ENOX1: variants seen among roughly 807,000 people sequenced by gnomAD.
ENOX1 encodes the protein candidate growth-related and time keeping constitutive hydroquinone (NADH) oxidase.
A neutral mutation model predicts 82.5 loss-of-function variants in ENOX1; 42 were observed. The observed-to-expected ratio is 0.51, with a 90% CI of 0.40 to 0.66. The LOEUF (loss-of-function observed/expected upper bound fraction) is 0.66. Ranked by LOEUF, ENOX1 falls within the 30% of genes least tolerant of loss-of-function variation. ENOX1 has a pLI of 0.00. For synonymous variants in ENOX1, 271 were observed against 282.2 expected (o/e 0.96, Z 0.40); for missense variants, 608 against 811.6 (o/e 0.75, Z 3.05).
intron 2 of ENOX1, among the ~76,000 whole-genome samples, chr13:43,604,713 C>A (rs1421112408): frequency 1.3e-5 from 2 of 152,134 alleles, no homozygotes; most frequent in African/African-American, 4.8e-5. Context: ...AGATCTGGAA[C>A]ATGACATCAA....
intron 2 of ENOX1, among the ~76,000 whole-genome samples, chr13:43,624,258 T>C (rs1456272531): frequency 6.6e-6 from 1 of 152,190 alleles, no homozygotes. Context: ...CTTTTTCCTA[T>C]TTTTTAACTG....
intron 1 of ENOX1, among the ~76,000 whole-genome samples, chr13:43,672,800 T>C (rs1345255886): frequency 1.3e-5 from 2 of 152,210 alleles, no homozygotes; most frequent in African/African-American, 4.8e-5. Flanking sequence ...ACCACCGCTC[T>C]ATGATTTCAG....
intron 11 of ENOX1, among the ~76,000 whole-genome samples, chr13:43,304,160 C>A (rs1355112448): frequency 6.6e-6 from 1 of 152,122 alleles, no homozygotes; most frequent in Non-Finnish European, 1.5e-5. Flanking sequence ...AAGATTTGGG[C>A]AAAAGGCACA....
chr13:43,262,499 C>G (rs574710871), intron 14 of ENOX1, among the ~76,000 whole-genome samples: 4 of 152,290 alleles, frequency 2.6e-5, no homozygotes, highest in Non-Finnish European at 5.9e-5. Flanking sequence ...TAAAATTCAT[C>G]CTGCCAAAAG....
chr13:43,741,171 G>A (rs550775857), intron 1 of ENOX1, among the ~76,000 whole-genome samples: 84 of 147,950 alleles, frequency 5.7e-4, no homozygotes, highest in Non-Finnish European at 7.4e-4. Context: ...TGCAACCTCC[G>A]CCTCCCAGGT....
At chr13:43,689,132 TC>T (rs1220361898) in intron 1 of ENOX1, among the ~76,000 whole-genome samples, 2 of 152,096 alleles carry the variant, frequency 1.3e-5, no homozygotes, top group Non-Finnish European at 2.9e-5. Context: ...GATCCGAACT[TC>T]CAGAGAGGTG....
intron 16 of ENOX1, among the ~76,000 whole-genome samples, chr13:43,215,271 C>T (rs1006506530): frequency 2.0e-5 from 3 of 152,104 alleles, no homozygotes; most frequent in African/African-American, 4.8e-5. Flanking sequence ...ATTCCTGGGC[C>T]TATAATACAA....
intron 2 of ENOX1, among the ~76,000 whole-genome samples, chr13:43,503,691 T>C (rs2077055275): frequency 6.6e-6 from 1 of 151,616 alleles, no homozygotes; most frequent in Admixed American, 6.6e-5. Flanking sequence ...TGTTACACTG[T>C]ATACAATAAA....
At chr13:43,428,982 T>C (rs1453766505) in intron 3 of ENOX1, among the ~76,000 whole-genome samples, 1 of 152,170 alleles carries the variant, frequency 6.6e-6, no homozygotes, top group Admixed American at 6.6e-5. Flanking sequence ...CATCACCCAT[T>C]GTGGCGGCTA....
chr13:43,428,029 C>T (rs1394525432), intron 3 of ENOX1, among the ~76,000 whole-genome samples: 1 of 152,172 alleles, frequency 6.6e-6, no homozygotes, highest in Non-Finnish European at 1.5e-5. Flanking sequence ...CAAGGTCAAG[C>T]CCTGGTCTGA....
chr13:43,391,406 A>G (rs1433479649), intron 5 of ENOX1, among the ~76,000 whole-genome samples: 1 of 151,978 alleles, frequency 6.6e-6, no homozygotes, highest in Non-Finnish European at 1.5e-5. Context: ...TCTGGATGTG[A>G]TTATCACTGG....
chr13:43,419,935 C>A (rs1344046547), intron 3 of ENOX1, among the ~76,000 whole-genome samples: 6 of 152,152 alleles, frequency 3.9e-5, no homozygotes, highest in African/African-American at 1.4e-4. Context: ...CAAGCCACTG[C>A]ACTACAGCCT....
chr13:43,685,096 T>C (rs537990758), intron 1 of ENOX1, among the ~76,000 whole-genome samples: 4 of 152,180 alleles, frequency 2.6e-5, no homozygotes, highest in Non-Finnish European at 5.9e-5. Context: ...AAGGCTGTGC[T>C]CTACAATGCT....
At chr13:43,549,973 G>A (rs1252245744) in intron 2 of ENOX1, among the ~76,000 whole-genome samples, 2 of 152,160 alleles carry the variant, frequency 1.3e-5, no homozygotes, top group Non-Finnish European at 1.5e-5. Context: ...TCCACAGATG[G>A]CAGCAGGGGG....
At chr13:43,442,072 G>A (rs771947191) in intron 3 of ENOX1, among the ~76,000 whole-genome samples, 12 of 151,994 alleles carry the variant, frequency 7.9e-5, no homozygotes, top group Non-Finnish European at 2.9e-5. Flanking sequence ...AACAGACCAG[G>A]GCCCCAGAGC....
chr13:43,777,431 A>G (rs961454033), intron 1 of ENOX1, among the ~76,000 whole-genome samples: 2 of 152,234 alleles, frequency 1.3e-5, no homozygotes, highest in African/African-American at 4.8e-5. Flanking sequence ...GGAAATCTGA[A>G]TAAGATTGAT....
chr13:43,529,975 G>A (rs1263689166), intron 2 of ENOX1, among the ~76,000 whole-genome samples: 16 of 152,072 alleles, frequency 1.1e-4, no homozygotes, highest in Admixed American at 1.0e-3. Context: ...GAGTTTAAAT[G>A]CCAAGAATGC....
chr13:43,415,199 A>ATGTATTACATCTC (rs2153600975), intron 3 of ENOX1, among the ~76,000 whole-genome samples: 1 of 138,368 alleles, frequency 7.2e-6, no homozygotes, highest in African/African-American at 2.7e-5. Context: ...GTGACATTCA[A>ATGTATTACATCTC]TGTATTACAT....
intron 1 of ENOX1, among the ~76,000 whole-genome samples, chr13:43,770,406 T>A (rs1594753338): frequency 6.6e-6 from 1 of 152,150 alleles, no homozygotes; most frequent in Non-Finnish European, 1.5e-5. Flanking sequence ...AAATAGACAA[T>A]TATAAAGAAA....
Sources: gnomAD v4.1 joint callset for allele counts (sites outside exome capture counted in the v4.1 genomes callset) on GRCh38, gnomAD v4.1.1 for gene constraint, MANE v1.5 for transcripts, NCBI Gene and HGNC (gene_info 2026-07-23, HGNC 2026-07-21) for gene names.